LOC400499: variants seen among roughly 807,000 people sequenced by gnomAD.
At chr16:11,417,917 C>T in the LOC400499 span, 1 of 398,136 alleles carries the variant, frequency 2.5e-6, no homozygotes, top group Non-Finnish European at 4.4e-6. Context: ...CTGGCTCCCA[C>T]AAACCCTGGG....
At chr16:11,495,190 C>G in the LOC400499 span, among the ~76,000 whole-genome samples, 1 of 147,182 alleles carries the variant, frequency 6.8e-6, no homozygotes. Context: ...CCCTGGGTGG[C>G]AGAGCGAAAC....
chr16:11,525,825 T>A, the LOC400499 span, among the ~76,000 whole-genome samples: 1 of 152,204 alleles, frequency 6.6e-6, no homozygotes, highest in Admixed American at 6.5e-5. Flanking sequence ...ATTTTTTAAA[T>A]TTCAGAAAAA....
the LOC400499 span, among the ~76,000 whole-genome samples, chr16:11,510,599 T>G: frequency 6.6e-6 from 1 of 151,522 alleles, no homozygotes; most frequent in Non-Finnish European, 1.5e-5. Flanking sequence ...ATCAATGATT[T>G]CCCCCTCCCA....
the LOC400499 span, among the ~76,000 whole-genome samples, chr16:11,433,153 A>T: frequency 7.5e-4 from 114 of 152,334 alleles, no homozygotes; most frequent in African/African-American, 2.7e-3. Flanking sequence ...AACAGAGACC[A>T]TATGGCCCAC....
At chr16:11,480,933 A>G in the LOC400499 span, among the ~76,000 whole-genome samples, 1 of 152,258 alleles carries the variant, frequency 6.6e-6, no homozygotes, top group African/African-American at 2.4e-5. Flanking sequence ...TCAGTCTCCA[A>G]AAGGCAGCAA....
At chr16:11,515,336 C>G in the LOC400499 span, among the ~76,000 whole-genome samples, 2 of 151,802 alleles carry the variant, frequency 1.3e-5, no homozygotes, top group African/African-American at 2.4e-5. Context: ...TGCCTGTAGT[C>G]CCAGCTACTC....
At chr16:11,522,929 T>C in the LOC400499 span, among the ~76,000 whole-genome samples, 1 of 152,130 alleles carries the variant, frequency 6.6e-6, no homozygotes, top group Non-Finnish European at 1.5e-5. Context: ...TAACCTTCTA[T>C]TGAGGCCAGG....
the LOC400499 span, chr16:11,460,527 C>T: frequency 1.3e-6 from 2 of 1,535,180 alleles, no homozygotes; most frequent in Non-Finnish European, 1.7e-6. Flanking sequence ...TGGCGCAGCT[C>T]CAGCCTGTAG....
At chr16:11,504,425 G>A in the LOC400499 span, among the ~76,000 whole-genome samples, 46 of 151,902 alleles carry the variant, frequency 3.0e-4, no homozygotes, top group Non-Finnish European at 4.4e-4. Flanking sequence ...GCGTGGTGTT[G>A]CATGCTTGCA....
chr16:11,462,213 C>A, the LOC400499 span: 1 of 1,534,286 alleles, frequency 6.5e-7, no homozygotes, highest in Non-Finnish European at 8.7e-7. Context: ...GTGAAGACGA[C>A]GGGGCTGCCC....
chr16:11,419,290 A>G, the LOC400499 span, among the ~76,000 whole-genome samples: 1 of 152,046 alleles, frequency 6.6e-6, no homozygotes, highest in African/African-American at 2.4e-5. Flanking sequence ...CTCAGAAATA[A>G]CGCCGCTTAT....
At chr16:11,440,834 G>A in the LOC400499 span, 7 of 398,936 alleles carry the variant, frequency 1.8e-5, no homozygotes, top group African/African-American at 8.2e-5. Flanking sequence ...AGGGCCTGGG[G>A]GAAGCTCAGC....
the LOC400499 span, among the ~76,000 whole-genome samples, chr16:11,488,391 C>G: frequency 2.0e-5 from 3 of 152,108 alleles, no homozygotes; most frequent in Non-Finnish European, 4.4e-5. Context: ...TTTGAACAAG[C>G]AGCATGTAAG....
At chr16:11,479,012 G>T in the LOC400499 span, among the ~76,000 whole-genome samples, 1 of 152,162 alleles carries the variant, frequency 6.6e-6, no homozygotes, top group Admixed American at 6.5e-5. Flanking sequence ...CAGTCAGTTG[G>T]AACTGTAAAT....
the LOC400499 span, chr16:11,470,526 G>A: frequency 2.0e-5 from 3 of 152,282 alleles, no homozygotes; most frequent in South Asian, 2.1e-4. Context: ...CCAGTCCAAG[G>A]CTTCGGTCTC....
chr16:11,526,638 TAAGTA>T, the LOC400499 span, among the ~76,000 whole-genome samples: 1 of 152,240 alleles, frequency 6.6e-6, no homozygotes, highest in African/African-American at 2.4e-5. Context: ...TATATTGGGT[TAAGTA>T]AAATGTTATT....
the LOC400499 span, among the ~76,000 whole-genome samples, chr16:11,505,630 G>A: frequency 6.6e-6 from 1 of 151,190 alleles, no homozygotes; most frequent in African/African-American, 2.4e-5. Context: ...ATTTTTTGTA[G>A]AGATGGGCTC....
the LOC400499 span, among the ~76,000 whole-genome samples, chr16:11,420,703 G>T: frequency 6.6e-6 from 1 of 151,624 alleles, no homozygotes; most frequent in East Asian, 1.9e-4. Flanking sequence ...ATGACAGACG[G>T]GGAGAGGGCA....
the LOC400499 span, among the ~76,000 whole-genome samples, chr16:11,397,306 GCT>G: frequency 1.3e-5 from 2 of 152,174 alleles, no homozygotes; most frequent in Admixed American, 6.5e-5. Flanking sequence ...ACAGAGTTAT[GCT>G]CTGTCGCCAG....
Sources: allele counts gnomAD v4.1 joint callset (sites outside exome capture counted in the v4.1 genomes callset), GRCh38; gene constraint gnomAD v4.1.1; transcripts MANE v1.5.